The following CADM2 variants were observed in gnomAD, a reference collection of about 807,000 sequenced individuals.
CADM2 encodes the protein immunoglobulin superfamily member 4D.
A neutral mutation model predicts 49.8 loss-of-function variants in CADM2; 12 were observed. The observed-to-expected ratio is 0.24, with a 90% CI of 0.15 to 0.39. CADM2 has a LOEUF of 0.39. Among genes scored for constraint, CADM2 ranks in the 10% least tolerant of loss-of-function variants. The pLI is 1.00. For missense variants in CADM2, 378 were observed against 492.3 expected, an observed-to-expected ratio of 0.77 and a Z score of 2.20; for synonymous variants, 214 against 175.4, an observed-to-expected ratio of 1.22 and a Z score of -1.74.
chr3:85,612,850 C>A (rs1041009661), intron 1 of CADM2, among the ~76,000 whole-genome samples: 1 of 151,662 alleles, frequency 6.6e-6, no homozygotes, highest in African/African-American at 2.4e-5. Flanking sequence ...TATTAGTCAC[C>A]TATTTATGTG....
intron 1 of CADM2, among the ~76,000 whole-genome samples, chr3:85,673,506 A>AG (rs1390063687): frequency 6.6e-6 from 1 of 150,716 alleles, no homozygotes; most frequent in Non-Finnish European, 1.5e-5. Context: ...AAAAAAAAAA[A>AG]CCTGCCCAAA....
intron 1 of CADM2, among the ~76,000 whole-genome samples, chr3:85,212,840 TTC>T (rs1306302544): frequency 3.3e-4 from 36 of 110,218 alleles, no homozygotes; most frequent in African/African-American, 1.4e-3. Flanking sequence ...CTTTCTTTCT[TTC>T]TTTCTTTCTT....
At position 85,518,161 on chromosome 3, in the gene CADM2, T is replaced by C. The variant is rs866397071; in HGVS notation, c.62-208361T>C. Among the ~76,000 whole-genome samples the C allele has an allele frequency of 1.3e-4, 20 of 152,220 alleles. 1 individual carries two copies. The Middle Eastern group carries it at 0.02, about 155-fold the overall frequency. Reference sequence around the variant, plus strand: ...GCGCACCACCATACCTGCCTAAGTTTCATATTTTTAGTAGAGATGGGTTTT... The same window carrying C: ...GCGCACCACCATACCTGCCTAAGTTCCATATTTTTAGTAGAGATGGGTTTT... On this transcript the variant is annotated intron_variant, in intron 1 of 9. Transcript: ENST00000383699.
intron 1 of CADM2, among the ~76,000 whole-genome samples, chr3:85,515,422 TTTC>T (rs1434539811): frequency 1.3e-4 from 7 of 54,154 alleles, no homozygotes; most frequent in South Asian, 1.5e-3. Context: ...TGTTTGTTTG[TTTC>T]TTTTTTTTTT....
At chr3:85,948,357 G>T (rs1021009451) in intron 7 of CADM2, among the ~76,000 whole-genome samples, 3 of 150,964 alleles carry the variant, frequency 2.0e-5, no homozygotes, top group Non-Finnish European at 4.4e-5. Context: ...CATAAATTTG[G>T]AACTAATATC....
intron 5 of CADM2, among the ~76,000 whole-genome samples, chr3:85,900,887 A>C (rs1716023312): frequency 6.6e-6 from 1 of 152,160 alleles, no homozygotes. Flanking sequence ...AATTCACTTC[A>C]TGATCCTTGT....
intron 1 of CADM2, among the ~76,000 whole-genome samples, chr3:85,699,763 C>G (rs1395970592): frequency 6.6e-6 from 1 of 152,198 alleles, no homozygotes; most frequent in Non-Finnish European, 1.5e-5. Context: ...ATCCAAAATG[C>G]CTTTAGGCCT....
chr3:85,011,839 T>C (rs1242670760), intron 1 of CADM2, among the ~76,000 whole-genome samples: 1 of 151,868 alleles, frequency 6.6e-6, no homozygotes, highest in Non-Finnish European at 1.5e-5. Flanking sequence ...GCCACTGCAC[T>C]ACAACCGGGG....
intron 8 of CADM2, among the ~76,000 whole-genome samples, chr3:86,047,334 G>A (rs949458691): frequency 6.6e-6 from 1 of 152,054 alleles, no homozygotes; most frequent in African/African-American, 2.4e-5. Context: ...ATATGCCACT[G>A]GAAATCAACA....
intron 3 of CADM2, among the ~76,000 whole-genome samples, chr3:85,827,090 T>G (rs60732670): frequency 6.6e-6 from 1 of 151,658 alleles, no homozygotes; most frequent in African/African-American, 2.4e-5. Flanking sequence ...TCAAGGATGC[T>G]GAAAAGCACC....
chr3:85,161,165 A>G (rs2040310040), intron 1 of CADM2, among the ~76,000 whole-genome samples: 1 of 152,206 alleles, frequency 6.6e-6, no homozygotes, highest in East Asian at 1.9e-4. Context: ...CACAGTATTT[A>G]TTGATTGGCT....
chr3:85,941,907 T>G (rs1721957327), intron 7 of CADM2, among the ~76,000 whole-genome samples: 1 of 152,046 alleles, frequency 6.6e-6, no homozygotes, highest in Admixed American at 6.6e-5. Flanking sequence ...GCATAAATGT[T>G]TAATTTAAAT....
intron 1 of CADM2, among the ~76,000 whole-genome samples, chr3:85,568,046 G>C (rs2062320590): frequency 6.6e-6 from 1 of 152,170 alleles, no homozygotes; most frequent in Non-Finnish European, 1.5e-5. Flanking sequence ...TAAGTCCACT[G>C]AGTCAAATGC....
intron 1 of CADM2, among the ~76,000 whole-genome samples, chr3:85,445,399 T>C (rs1370102146): frequency 6.6e-6 from 1 of 152,128 alleles, no homozygotes; most frequent in Admixed American, 6.6e-5. Context: ...TCTCAAAATG[T>C]AGTTTGTGAA....
intron 2 of CADM2, among the ~76,000 whole-genome samples, chr3:85,741,622 C>A (rs569535954): frequency 6.6e-6 from 1 of 152,102 alleles, no homozygotes; most frequent in Non-Finnish European, 1.5e-5. Flanking sequence ...GAGCCGAGAT[C>A]GTGCCATTGC....
At position 85,936,876 on chromosome 3, in the gene CADM2, T is replaced by C. The variant is rs191975680; in HGVS notation, c.791+1019T>C. Among the ~76,000 whole-genome samples, 8 of 151,982 alleles carry C rather than the reference T, an allele frequency of 5.3e-5. No homozygotes were observed. The East Asian group carries it at 1.5e-3, about 29-fold the overall frequency. ...CACAGTTTTGATATTTTTAAACTGT[T>C]CTCTCTTCTAGTAATTATTTTAAAG... On this transcript the variant is annotated intron_variant, in intron 7 of 9. Transcript: ENST00000383699.
intron 1 of CADM2, among the ~76,000 whole-genome samples, chr3:85,207,813 A>C (rs2041685295): frequency 6.6e-6 from 1 of 152,184 alleles, no homozygotes; most frequent in South Asian, 2.1e-4. Flanking sequence ...TTATAAGGTC[A>C]GCTTGACAGG....
chr3:85,989,199 A>C (rs1728472191), intron 8 of CADM2, among the ~76,000 whole-genome samples: 1 of 152,194 alleles, frequency 6.6e-6, no homozygotes, highest in South Asian at 2.1e-4. Flanking sequence ...GAGACTTTTT[A>C]ACAGAAGGAC....
chr3:85,243,697 A>G (rs998816481), intron 1 of CADM2, among the ~76,000 whole-genome samples: 2 of 152,178 alleles, frequency 1.3e-5, no homozygotes, highest in African/African-American at 2.4e-5. Context: ...AGGTGAATAC[A>G]TAACTGTAAG....
Sources: gnomAD v4.1 joint callset for allele counts (sites outside exome capture counted in the v4.1 genomes callset) on GRCh38, gnomAD v4.1.1 for gene constraint, MANE v1.5 for transcripts, NCBI Gene and HGNC (gene_info 2026-07-23, HGNC 2026-07-21) for gene names.